Variants in TNNI3K observed in about 807,000 individuals in gnomAD.
TNNI3K encodes serine/threonine-protein kinase TNNI3K.
TNNI3K carries 140 observed loss-of-function variants against 114.5 expected under a neutral mutation model. That is an observed-to-expected ratio of 1.22 (90% CI 1.07 to 1.41). TNNI3K has a LOEUF of 1.41. Among genes scored for constraint, TNNI3K ranks in the 40% most tolerant of loss-of-function variants. TNNI3K has a pLI of 0.00. For synonymous variants in TNNI3K, 347 were observed against 347.5 expected (o/e 1.00, Z 0.02); for missense variants, 1,125 against 1,007.6 (o/e 1.12, Z -1.58).
chr1:74,246,603 G>C (rs370902250), intron 2 of TNNI3K, among the ~76,000 whole-genome samples: 2 of 152,172 alleles, frequency 1.3e-5, no homozygotes, highest in African/African-American at 4.8e-5. Context: ...GTATTGGACT[G>C]GGGGAGGAGA....
intron 5 of TNNI3K, among the ~76,000 whole-genome samples, chr1:74,293,980 T>G (rs1427418954): frequency 2.0e-5 from 3 of 151,810 alleles, no homozygotes; most frequent in Non-Finnish European, 4.4e-5. Flanking sequence ...TTCATTAATA[T>G]GCTAATTTAC....
chr1:74,446,145 C>T (rs1666660045), intron 20 of TNNI3K, among the ~76,000 whole-genome samples: 1 of 152,102 alleles, frequency 6.6e-6, no homozygotes, highest in Admixed American at 6.5e-5. Flanking sequence ...AACTAGTTTA[C>T]AGTCCCACCA....
At chr1:74,241,231 A>G (rs1269101117) in intron 2 of TNNI3K, among the ~76,000 whole-genome samples, 1 of 152,222 alleles carries the variant, frequency 6.6e-6, no homozygotes, top group Non-Finnish European at 1.5e-5. Context: ...ATAGTGCTGC[A>G]ATAAACATAC....
chr1:74,278,105 A>G (rs548088767), intron 5 of TNNI3K, among the ~76,000 whole-genome samples: 1 of 146,340 alleles, frequency 6.8e-6, no homozygotes, highest in South Asian at 2.2e-4. Context: ...AAATGACAGA[A>G]TGCTTAGAAT....
intron 9 of TNNI3K, among the ~76,000 whole-genome samples, chr1:74,349,065 G>A (rs1436709180): frequency 6.6e-6 from 1 of 152,134 alleles, no homozygotes; most frequent in Non-Finnish European, 1.5e-5. Context: ...GGGCATCCCT[G>A]TCTTGTGCTG....
chr1:74,373,519 G>A (rs1011374307), intron 17 of TNNI3K: 10 of 151,778 alleles, frequency 6.6e-5, no homozygotes, highest in Admixed American at 2.0e-4. Context: ...AGGGTTTCAG[G>A]GGCAGAGACT....
In TNNI3K at chr1:74,480,539, C is replaced by T. The variant is rs201299696; in HGVS notation, c.2122-8650C>T. The T allele has an allele frequency of 2.1e-5, 15 of 717,392 alleles. No individual in the cohort carries two copies. In the East Asian group the frequency reaches 4.0e-4, roughly 19 times the overall value. 44.4% of individuals were successfully genotyped at this position (717,392 alleles called of 1,614,324 possible). On this transcript the variant is annotated intron_variant, in intron 21 of 24. Transcript: ENST00000326637. ...AGGCAGGGGCCGGAAGGCATCTTTC[C>T]CAATGTAGGAAATAAAATTGTTGGA... is the stretch of plus-strand genomic sequence containing the variant.
At chr1:74,256,990 A>C (rs181309471) in intron 4 of TNNI3K, among the ~76,000 whole-genome samples, 6 of 152,246 alleles carry the variant, frequency 3.9e-5, no homozygotes, top group Admixed American at 6.5e-5. Context: ...TCAAATTCAG[A>C]AATTTTGACC....
rs766674845 is a variant in TNNI3K at position 74,353,323 on chromosome 1, C to T, written c.990C>T (p.Val330=). 4.3e-6 allele frequency: 7 copies of T among 1,613,558 alleles called. No homozygotes were observed. In the South Asian group the frequency reaches 7.7e-5, roughly 18 times the overall value. The change falls in exon 10 of 25, where the codon GTC becomes GTT. Residue 330 remains valine, a synonymous_variant. Transcript: ENST00000326637. ...TCAAATTTCTTCTTGATCAGAATGT[C>T]ATAAACATCAACCACCAAGGAAGGG... ...DLVKFLLDQN[V]ININHQGRDG...
intron 17 of TNNI3K, among the ~76,000 whole-genome samples, chr1:74,408,525 C>T (rs1215485933): frequency 2.0e-5 from 3 of 152,172 alleles, no homozygotes; most frequent in African/African-American, 4.8e-5. Flanking sequence ...TTGTTTTTGT[C>T]AGGCTTGTGT....
chr1:74,386,377 G>A (rs1173472609), intron 17 of TNNI3K, among the ~76,000 whole-genome samples: 1 of 151,880 alleles, frequency 6.6e-6, no homozygotes. Flanking sequence ...TCAGAGTAAT[G>A]TGTTACTAGA....
chr1:74,393,908 C>G (rs1663933631), intron 17 of TNNI3K, among the ~76,000 whole-genome samples: 1 of 152,212 alleles, frequency 6.6e-6, no homozygotes, highest in South Asian at 2.1e-4. Flanking sequence ...CCCTGCTGAT[C>G]TGACAGGAGG....
At chr1:74,407,942 A>G (rs771480790) in intron 17 of TNNI3K, among the ~76,000 whole-genome samples, 18 of 152,198 alleles carry the variant, frequency 1.2e-4, no homozygotes, top group Non-Finnish European at 1.8e-4. Context: ...TTCCTTTCAA[A>G]GTTCCATAAT....
At chr1:74,486,248 A>G (rs1668760143) in intron 21 of TNNI3K, among the ~76,000 whole-genome samples, 1 of 128,932 alleles carries the variant, frequency 7.8e-6, no homozygotes. Flanking sequence ...GAAATATACT[A>G]GTTCCTTTCT....
chr1:74,369,761 T>G lies in TNNI3K; in HGVS notation c.1667+176T>G, dbSNP rs189373617. 1.1e-3 allele frequency: 702 copies of G among 667,626 alleles called. 10 individuals are homozygous for G. The Admixed American group carries it at 0.024, about 22-fold the overall frequency. The allele number at this position is 667,626 out of a possible 1,614,324, so 41.4% of individuals were successfully genotyped here. A position where few individuals can be genotyped will look rare whatever the true frequency, so the allele number is the denominator to read the frequency against. ...TGCCTAATAACTGTGTTTCAATGAA[T>G]AGAAATACTTTATGCTTTCTTAGCA... is the stretch of plus-strand genomic sequence containing the variant. On this transcript the variant is annotated intron_variant, in intron 16 of 24. Coordinates refer to ENST00000326637, the MANE Select transcript of TNNI3K (RefSeq NM_015978.3).
Position 74,311,293 on chromosome 1 carries a change from A to C in TNNI3K, c.445-20157A>C, listed in dbSNP as rs144461291. On this transcript the variant is annotated intron_variant, in intron 5 of 24. Transcript: ENST00000326637. ...ATACTAATACGTTTTCAGTTGTCAT[A>C]ATCATATAAATTAATTCAGAACTTG... 3.0e-3 allele frequency among the ~76,000 whole-genome samples: 453 copies of C among 152,294 alleles called. 2 individuals are homozygous for C. The highest frequency in any genetic ancestry group is 0.011 in the African/African-American group (442 of 41,568).
At chr1:74,246,911 TC>T (rs1320136538) in intron 2 of TNNI3K, among the ~76,000 whole-genome samples, 2 of 152,212 alleles carry the variant, frequency 1.3e-5, no homozygotes, top group East Asian at 3.9e-4. Context: ...AGGATTCAAA[TC>T]CTATCATGAC....
At chr1:74,502,964 A>G (rs528628740) in intron 23 of TNNI3K, among the ~76,000 whole-genome samples, 1 of 152,346 alleles carries the variant, frequency 6.6e-6, no homozygotes, top group South Asian at 2.1e-4. Flanking sequence ...TCCTTCTAGG[A>G]ACTTAACTGA....
intron 5 of TNNI3K, among the ~76,000 whole-genome samples, chr1:74,325,200 T>C (rs1659832515): frequency 6.6e-6 from 1 of 152,180 alleles, no homozygotes; most frequent in South Asian, 2.1e-4. Flanking sequence ...ACAGACTGTG[T>C]TTGCTCCAGG....
Sources: allele counts gnomAD v4.1 joint callset (sites outside exome capture counted in the v4.1 genomes callset), GRCh38; gene constraint gnomAD v4.1.1; transcripts MANE v1.5; gene names NCBI Gene and HGNC (gene_info 2026-07-23, HGNC 2026-07-21).